The following STARD13 variants were observed in gnomAD, a reference collection of about 807,000 sequenced individuals.
The protein encoded by STARD13 is StAR related lipid transfer domain containing 13.
In STARD13, 62 loss-of-function variants were observed where a neutral mutation model predicts 106.4. That is an observed-to-expected ratio of 0.58 (90% CI 0.48 to 0.72). The LOEUF (loss-of-function observed/expected upper bound fraction) is 0.72, where lower values mean the gene tolerates loss of function less well. Ranked by LOEUF, STARD13 falls within the 30% of genes least tolerant of loss-of-function variation. The probability of loss-of-function intolerance (pLI) is 0.00; values close to 1 mark genes in which losing one functional copy is unlikely to be tolerated. For missense variants in STARD13, 1,387 were observed against 1,424.0 expected (o/e 0.97, Z 0.42); for synonymous variants, 565 against 553.0 (o/e 1.02, Z -0.31).
At chr13:33,510,080 C>T in the STARD13 span, among the ~76,000 whole-genome samples, 1 of 152,154 alleles carries the variant, frequency 6.6e-6, no homozygotes, top group African/African-American at 2.4e-5. Flanking sequence ...CCCTTCTCGC[C>T]TTTTCCAAAT....
At position 33,283,955 on chromosome 13, in the gene STARD13, A is replaced by C. The variant is rs575022741; in HGVS notation, c.169+1515T>G. ...AGTTCTCTGCAATATTTCTCATATG[A>C]TATGCATGCTGAGGAACATTTATAT... On this transcript the variant is annotated intron_variant, in intron 1 of 13. Coordinates refer to ENST00000336934, the MANE Select transcript of STARD13 (RefSeq NM_178006.4). Among the ~76,000 whole-genome samples, 48 of 152,320 alleles carry C rather than the reference A, an allele frequency of 3.2e-4. No homozygotes were observed. In the South Asian group the frequency reaches 9.7e-3, roughly 31 times the overall value.
chr13:33,416,496 G>A, the STARD13 span, among the ~76,000 whole-genome samples: 1 of 152,212 alleles, frequency 6.6e-6, no homozygotes, highest in East Asian at 1.9e-4. Context: ...TGAGGATGTA[G>A]TCTGTAGTTT....
At chr13:33,646,988 A>G in the STARD13 span, among the ~76,000 whole-genome samples, 1 of 152,216 alleles carries the variant, frequency 6.6e-6, no homozygotes, top group South Asian at 2.1e-4. Context: ...TAACAATTAC[A>G]TAGAGAAGTA....
In STARD13 at chr13:33,248,454, C is replaced by G. The variant is rs374396665; in HGVS notation, c.169+37016G>C. 3.9e-5 allele frequency among the ~76,000 whole-genome samples: 6 copies of G among 152,270 alleles called. No homozygotes were observed. The East Asian group carries it at 9.6e-4, about 24-fold the overall frequency. On this transcript the variant is annotated intron_variant, in intron 1 of 13. Coordinates refer to ENST00000336934, the MANE Select transcript of STARD13 (RefSeq NM_178006.4). The stretch of plus-strand genomic sequence containing the variant: ...ACTGGAAGTCTATGGCGATCCTGGG[C>G]ATGTGAGAGCATTAAGAGATTTGTG...
At chr13:33,190,824 T>C (rs755503880) in intron 1 of STARD13, among the ~76,000 whole-genome samples, 1 of 152,006 alleles carries the variant, frequency 6.6e-6, no homozygotes, top group Non-Finnish European at 1.5e-5. Flanking sequence ...GACCTTGTGA[T>C]CCACCGGCCT....
intron 1 of STARD13, among the ~76,000 whole-genome samples, chr13:33,223,329 A>T (rs1183078340): frequency 6.6e-6 from 1 of 152,234 alleles, no homozygotes; most frequent in Non-Finnish European, 1.5e-5. Flanking sequence ...GCTCATATGT[A>T]AGACACTTCT....
In STARD13 at chr13:33,132,304, G is replaced by A. The variant is rs560347471; in HGVS notation, c.388-2015C>T. Reference sequence around the variant, plus strand: ...TTTTGATGTGTTATGGGAGGGACCCGGTGGGAGATAATTGAATCGTGGGGG... The same window carrying A: ...TTTTGATGTGTTATGGGAGGGACCCAGTGGGAGATAATTGAATCGTGGGGG... On this transcript the variant is annotated intron_variant, in intron 4 of 13. Transcript: ENST00000336934. Among the ~76,000 whole-genome samples, 51 of 152,294 alleles carry A rather than the reference G, an allele frequency of 3.3e-4. No individual in the cohort carries two copies. In the South Asian group the frequency reaches 5.0e-3, roughly 15 times the overall value.
the STARD13 span, among the ~76,000 whole-genome samples, chr13:33,467,687 G>T: frequency 6.6e-6 from 1 of 152,182 alleles, no homozygotes; most frequent in African/African-American, 2.4e-5. Context: ...TCCATAGGAT[G>T]AGAGAGCTAC....
chr13:33,131,817 A>G (rs1878333596), intron 4 of STARD13, among the ~76,000 whole-genome samples: 1 of 152,206 alleles, frequency 6.6e-6, no homozygotes, highest in South Asian at 2.1e-4. Context: ...CCCTCTCTAA[A>G]GTAAGTTTCT....
chr13:33,316,194 G>T (rs1479765612), intron 1 of STARD13, among the ~76,000 whole-genome samples: 3 of 151,978 alleles, frequency 2.0e-5, no homozygotes, highest in Non-Finnish European at 4.4e-5. Flanking sequence ...TTCTCTTCAG[G>T]CAGCCTTCTG....
the STARD13 span, among the ~76,000 whole-genome samples, chr13:33,606,856 C>T: frequency 3.2e-4 from 49 of 152,332 alleles, no homozygotes; most frequent in East Asian, 6.4e-3. Flanking sequence ...TCAAGCTTCT[C>T]GAGGCCCTCT....
At chr13:33,365,934 T>A in the STARD13 span, among the ~76,000 whole-genome samples, 1 of 152,160 alleles carries the variant, frequency 6.6e-6, no homozygotes, top group Non-Finnish European at 1.5e-5. Flanking sequence ...CCCTCATGTT[T>A]TTAAATATGT....
chr13:33,345,506 A>C (rs1181435620), downstream of STARD13, among the ~76,000 whole-genome samples: 1 of 152,152 alleles, frequency 6.6e-6, no homozygotes, highest in African/African-American at 2.4e-5. Flanking sequence ...CCTGCTTTGA[A>C]CACTAACAAC....
At chr13:33,405,783 A>G in the STARD13 span, among the ~76,000 whole-genome samples, 1 of 152,216 alleles carries the variant, frequency 6.6e-6, no homozygotes, top group Non-Finnish European at 1.5e-5. Context: ...GTGTCATCAT[A>G]TTGTGCTTCC....
At chr13:33,520,872 A>C in the STARD13 span, among the ~76,000 whole-genome samples, 2 of 152,126 alleles carry the variant, frequency 1.3e-5, no homozygotes, top group African/African-American at 4.8e-5. Flanking sequence ...TTCCAGCTAA[A>C]GTACAGGCTC....
chr13:33,129,655 C>A lies in STARD13; in HGVS notation c.1022G>T (p.Ser341Ile). ...CTTCAGGCAGGGCGTGCTCACCCCG[C>A]TGCTGCTGTGCTCCGACGGGCTGCT... ...GESSPSEHSS[S>I]GVSTPCLKER... Residue 341 changes from serine to isoleucine, a missense_variant, in exon 5 of 14, where the codon AGC (serine) becomes ATC (isoleucine). Ser to Ile is a moderately radical substitution (Grantham distance 142). Coordinates refer to ENST00000336934, the MANE Select transcript of STARD13 (RefSeq NM_178006.4). 1 of 1,614,020 alleles carries A rather than the reference C, an allele frequency of 6.2e-7. No homozygotes were observed. The highest frequency in any genetic ancestry group is 8.5e-7 in the Non-Finnish European group (1 of 1,180,052).
At chr13:33,566,685 A>T in the STARD13 span, among the ~76,000 whole-genome samples, 2 of 148,052 alleles carry the variant, frequency 1.4e-5, no homozygotes, top group Admixed American at 7.0e-5. Context: ...AATCTTTTAG[A>T]GAGAAGTGAG....
chr13:33,574,383 T>C, the STARD13 span, among the ~76,000 whole-genome samples: 1 of 152,196 alleles, frequency 6.6e-6, no homozygotes, highest in South Asian at 2.1e-4. Context: ...ATTTCTAGTA[T>C]TTATCAGATT....
the STARD13 span, among the ~76,000 whole-genome samples, chr13:33,516,119 T>C: frequency 2.7e-5 from 4 of 149,100 alleles, no homozygotes; most frequent in African/African-American, 7.3e-5. Flanking sequence ...TTTGTATATA[T>C]AACACTCTCA....
Sources: allele counts gnomAD v4.1 joint callset (sites outside exome capture counted in the v4.1 genomes callset), GRCh38; gene constraint gnomAD v4.1.1; transcripts MANE v1.5; gene names NCBI Gene and HGNC (gene_info 2026-07-23, HGNC 2026-07-21).